CLIP2: variants seen among roughly 807,000 people sequenced by gnomAD.
The protein encoded by CLIP2 is CAP-Gly domain-containing linker protein 2.
In CLIP2, 41 loss-of-function variants were observed where a neutral mutation model predicts 111.7. That is an observed-to-expected ratio of 0.37 (90% CI 0.29 to 0.48). The LOEUF (loss-of-function observed/expected upper bound fraction) is 0.48, where lower values mean the gene tolerates loss of function less well. CLIP2 is among the 20% of genes least tolerant of loss of function. The pLI, the probability that CLIP2 is intolerant of heterozygous loss-of-function variation, is 0.99. For missense variants in CLIP2, 1,160 were observed against 1,422.1 expected (o/e 0.82, Z 2.96); for synonymous variants, 660 against 644.2 (o/e 1.02, Z -0.37).
intron 1 of CLIP2, among the ~76,000 whole-genome samples, chr7:74,296,749 A>G (rs1391974209): frequency 1.3e-5 from 2 of 149,476 alleles, no homozygotes; most frequent in Non-Finnish European, 1.5e-5. Context: ...AGATCGCGTC[A>G]CTGCACTCCA....
chr7:74,377,692 C>G (rs1329226960), intron 10 of CLIP2, among the ~76,000 whole-genome samples: 2 of 152,206 alleles, frequency 1.3e-5, no homozygotes, highest in African/African-American at 4.8e-5. Flanking sequence ...AGATGTTCAA[C>G]CCCATTCCCT....
intron 1 of CLIP2, among the ~76,000 whole-genome samples, chr7:74,290,609 C>T (rs1466865009): frequency 1.3e-5 from 2 of 152,206 alleles, no homozygotes; most frequent in African/African-American, 4.8e-5. Flanking sequence ...TGAGACCCCT[C>T]CTCTCACTTC....
Position 74,353,995 on chromosome 7 carries a change from C to A in CLIP2, c.794C>A (p.Ala265Glu). 6.2e-7 allele frequency: 1 copy of A among 1,611,758 alleles called. No individual in the cohort carries two copies. Among genetic ancestry groups the A allele is most frequent in the South Asian group, 1.1e-5 (1 of 90,878 alleles). Residue 265 changes from alanine to glutamate, a missense_variant, in exon 4 of 17, where the codon GCG becomes GAG. Coordinates refer to ENST00000223398, the MANE Select transcript of CLIP2 (RefSeq NM_003388.5). ...EPLGKNDGAVAGTRYFQCPPK... is the reference protein window; with the variant it reads ...EPLGKNDGAVEGTRYFQCPPK... ...CTTGGGAAGAATGATGGGGCGGTGG[C>A]GGGCACCAGGTATGGTGGGCTTCTT...
intron 3 of CLIP2, among the ~76,000 whole-genome samples, chr7:74,346,755 C>T (rs1345194920): frequency 6.8e-6 from 1 of 147,300 alleles, no homozygotes. Context: ...AAACACTGGC[C>T]ATGCACAGTG....
chr7:74,395,623 G>C (rs782380231), intron 13 of CLIP2, among the ~76,000 whole-genome samples: 3 of 152,164 alleles, frequency 2.0e-5, no homozygotes, highest in Admixed American at 6.6e-5. Context: ...AGTTTGCTAA[G>C]TCCAGTTCAT....
rs144384765 is a variant in CLIP2 at position 74,401,508 on chromosome 7, A to G, written c.3070A>G (p.Ile1024Val). Residue 1024 changes from isoleucine (I) to valine (V), a missense_variant, in exon 16 of 17, where the codon ATC (isoleucine) becomes GTC (valine). Coordinates refer to ENST00000223398, the MANE Select transcript of CLIP2 (RefSeq NM_003388.5). ...MRSCPDKAQT[I>V]GNSGSANGIH... ...GTGTCTCCCCTAACTCTTCCAGACC[A>G]TCGGCAATTCCGGTTCTGCAAACGG... 25 of 1,613,936 alleles carry G rather than the reference A, an allele frequency of 1.5e-5. No individual in the cohort carries two copies. Among genetic ancestry groups the G allele is most frequent in the Non-Finnish European group, 1.9e-5 (22 of 1,179,984 alleles).
chr7:74,360,195 G>A lies in CLIP2; in HGVS notation c.1236G>A (p.Glu412=), dbSNP rs1396893916. ...QHEQYVAEAE[E]KLQRARLLVE... is the part of the protein sequence containing the mutation. ...CCCAGTATGTTGCAGAAGCCGAGGA[G>A]AAGCTGCAGCGAGCCCGGCTGCTCG... Residue 412 remains glutamate, a synonymous_variant, in exon 7 of 17, where the codon GAG becomes GAA. Transcript: ENST00000223398. 2 of 1,606,680 alleles carry A rather than the reference G, an allele frequency of 1.2e-6. No homozygotes were observed. The highest frequency in any genetic ancestry group is 1.3e-5 in the African/African-American group (1 of 74,852).
chr7:74,399,498 A>G (rs1791554031), intron 14 of CLIP2, among the ~76,000 whole-genome samples: 1 of 138,110 alleles, frequency 7.2e-6, no homozygotes, highest in African/African-American at 2.7e-5. Flanking sequence ...TGATTGCACC[A>G]CTGCACTCCA....
At chr7:74,299,255 T>G (rs1288816463) in intron 1 of CLIP2, among the ~76,000 whole-genome samples, 1 of 151,638 alleles carries the variant, frequency 6.6e-6, no homozygotes, top group East Asian at 1.9e-4. Context: ...ACCCCAGGAG[T>G]TTGAGGCTGC....
rs1791695702 is a variant in CLIP2 at position 74,403,968 on chromosome 7, C to A, written c.*120C>A. The A allele has an allele frequency of 1.8e-6, 2 of 1,107,222 alleles. No homozygotes were observed. Among genetic ancestry groups the A allele is most frequent in the Non-Finnish European group, 2.7e-6 (2 of 730,420 alleles). 68.6% of individuals were successfully genotyped at this position (1,107,222 alleles called of 1,614,324 possible). A position where few individuals can be genotyped will look rare whatever the true frequency, so the allele number is the denominator to read the frequency against. On this transcript the variant is annotated 3_prime_UTR_variant, in exon 17 of 17. Transcript: ENST00000223398. ...TTTGGAGACAAAACAGTGTTTGTAA[C>A]AATAACGTACTCACCGCCGCGGACA... is the stretch of plus-strand genomic sequence containing the variant.
intron 2 of CLIP2, among the ~76,000 whole-genome samples, chr7:74,318,159 G>C (rs1427748513): frequency 6.6e-6 from 1 of 151,706 alleles, no homozygotes; most frequent in Non-Finnish European, 1.5e-5. Flanking sequence ...AAAAAAAAAA[G>C]AGGGAAGAGT....
intron 3 of CLIP2, among the ~76,000 whole-genome samples, chr7:74,345,107 CTTTCATGTGCCA>C: frequency 6.6e-6 from 1 of 152,164 alleles, no homozygotes; most frequent in Non-Finnish European, 1.5e-5. Flanking sequence ...GAATTCTTGT[CTTTCATGTGCCA>C]GGCACATGTA....
chr7:74,393,086 A>G (rs1791342316), intron 13 of CLIP2, among the ~76,000 whole-genome samples: 1 of 141,876 alleles, frequency 7.0e-6, no homozygotes, highest in Admixed American at 7.6e-5. Flanking sequence ...CCCAGGCTGC[A>G]GTACAGTGGC....
intron 1 of CLIP2, among the ~76,000 whole-genome samples, chr7:74,304,698 A>G (rs1228858823): frequency 9.2e-5 from 14 of 152,178 alleles, no homozygotes; most frequent in Non-Finnish European, 1.9e-4. Context: ...TGATGCCTGT[A>G]ATCCCAGCAC....
chr7:74,359,665 T>A (rs1450868178), intron 6 of CLIP2, among the ~76,000 whole-genome samples: 1 of 152,130 alleles, frequency 6.6e-6, no homozygotes, highest in Non-Finnish European at 1.5e-5. Context: ...CATTTCAGAT[T>A]ATTTTTTTGA....
intron 1 of CLIP2, among the ~76,000 whole-genome samples, chr7:74,291,637 T>C (rs1554725384): frequency 6.6e-6 from 1 of 152,224 alleles, no homozygotes; most frequent in East Asian, 1.9e-4. Context: ...CAGAGTGGCT[T>C]CCTGGCCCCA....
intron 13 of CLIP2, 141 bp from the exon 14 acceptor site, chr7:74,396,932 GC>G: frequency 9.7e-7 from 1 of 1,028,570 alleles, no homozygotes; most frequent in Non-Finnish European, 1.4e-6. Context: ...GTCTACTGTG[GC>G]CCCTCGTGGC....
At chr7:74,381,638 C>G (rs1790950451) in intron 11 of CLIP2, 1 of 456,246 alleles carries the variant, frequency 2.2e-6, no homozygotes, top group East Asian at 6.9e-5. Flanking sequence ...CAGGTACGAG[C>G]AAGCAAGTGA....
At chr7:74,314,382 T>G (rs1050065855) in intron 1 of CLIP2, among the ~76,000 whole-genome samples, 2 of 151,938 alleles carry the variant, frequency 1.3e-5, no homozygotes, top group African/African-American at 4.8e-5. Context: ...TCCCAGCTAC[T>G]CAGGGGACTG....
Sources: allele counts gnomAD v4.1 joint callset (sites outside exome capture counted in the v4.1 genomes callset), GRCh38; gene constraint gnomAD v4.1.1; transcripts MANE v1.5; gene names NCBI Gene and HGNC (gene_info 2026-07-23, HGNC 2026-07-21).